The following STK38L variants were observed in gnomAD, a reference collection of about 807,000 sequenced individuals.
STK38L encodes the protein serine/threonine kinase 38 like.
In STK38L, 28 loss-of-function variants were observed where a neutral mutation model predicts 59.7. The ratio of observed to expected loss-of-function variants is 0.47; its 90% CI spans 0.35 to 0.64. The LOEUF is 0.64. STK38L is among the 30% of genes least tolerant of loss of function. The pLI is 0.01. For synonymous variants in STK38L, 162 were observed against 176.8 expected, an observed-to-expected ratio of 0.92 and a Z score of 0.66; for missense variants, 314 against 555.8, an observed-to-expected ratio of 0.56 and a Z score of 4.37.
chr12:27,308,987 GAT>G lies in STK38L; in HGVS notation c.310-115_310-114del, dbSNP rs910425049. 39 of 172,024 alleles carry G rather than the reference GAT, an allele frequency of 2.3e-4. No homozygotes were observed. Among genetic ancestry groups the G allele is most frequent in the Non-Finnish European group, 2.8e-4 (24 of 87,124 alleles). 10.7% of individuals were successfully genotyped at this position (172,024 alleles called of 1,614,324 possible). On this transcript the variant is annotated intron_variant, in intron 4 of 13. Coordinates refer to ENST00000389032, the MANE Select transcript of STK38L (RefSeq NM_015000.4). This position sits in a 1 kb window ranked among gnomAD's most constrained non-coding sequence, Gnocchi z 4.5. The stretch of plus-strand genomic sequence containing the variant: ...AAATATATAGATATAAAAATATATA[GAT>G]ATATATATATAAAATTCCTGAAATA...
intron 1 of STK38L, chr12:27,245,800 G>T (rs1208398201): frequency 6.6e-6 from 1 of 152,016 alleles, no homozygotes; most frequent in East Asian, 1.9e-4. Context: ...TCTCAAAATA[G>T]GTAGGTACAA....
intron 1 of STK38L, among the ~76,000 whole-genome samples, chr12:27,278,495 A>G (rs1446731500): frequency 6.6e-6 from 1 of 152,048 alleles, no homozygotes; most frequent in Non-Finnish European, 1.5e-5. Flanking sequence ...CATGTCTCCT[A>G]CTATTTGGGT....
intron 8 of STK38L, 64 bp from the exon 9 acceptor site, chr12:27,315,225 T>C: frequency 2.5e-6 from 4 of 1,582,974 alleles, no homozygotes; most frequent in Non-Finnish European, 2.6e-6. Context: ...TAGATGTATA[T>C]GTATTTTCTT....
At chr12:27,322,270 A>C (rs1265880250) in intron 13 of STK38L, 36 bp downstream of exon 13, 2 of 1,613,174 alleles carry the variant, frequency 1.2e-6, no homozygotes, top group Non-Finnish European at 1.7e-6. Context: ...CCCTATTAAA[A>C]GTCTTTGAAG....
chr12:27,244,721 C>G (rs1411356453), intron 1 of STK38L, among the ~76,000 whole-genome samples: 1 of 152,176 alleles, frequency 6.6e-6, no homozygotes, highest in Non-Finnish European at 1.5e-5. Flanking sequence ...CCGATGTCAC[C>G]CAGAGCCAGG....
chr12:27,257,305 C>T (rs1422640525), intron 1 of STK38L, among the ~76,000 whole-genome samples: 1 of 152,192 alleles, frequency 6.6e-6, no homozygotes, highest in East Asian at 1.9e-4. Flanking sequence ...TATAAGGATG[C>T]AGCTGTCCAG....
intron 1 of STK38L, among the ~76,000 whole-genome samples, chr12:27,290,544 A>T (rs1943874055): frequency 6.6e-6 from 1 of 152,166 alleles, no homozygotes; most frequent in Non-Finnish European, 1.5e-5. Flanking sequence ...CCACATCTGA[A>T]ACTTAGAGAT....
intron 1 of STK38L, among the ~76,000 whole-genome samples, chr12:27,257,073 G>C (rs186824960): frequency 6.6e-6 from 1 of 152,296 alleles, no homozygotes; most frequent in Admixed American, 6.5e-5. Flanking sequence ...AGAATTACGG[G>C]AATTTACTTA....
At chr12:27,321,982 C>T (rs1041973990) in intron 12 of STK38L, among the ~76,000 whole-genome samples, 161 bp from the exon 13 acceptor site, 2 of 152,228 alleles carry the variant, frequency 1.3e-5, no homozygotes, top group African/African-American at 4.8e-5. Context: ...AAATTATACT[C>T]AACTATTTTG....
chr12:27,263,059 G>A (rs1943234741), intron 1 of STK38L, among the ~76,000 whole-genome samples: 1 of 152,086 alleles, frequency 6.6e-6, no homozygotes, highest in African/African-American at 2.4e-5. Flanking sequence ...CCAAAGTGCT[G>A]GGATTACAGG....
intron 1 of STK38L, among the ~76,000 whole-genome samples, chr12:27,275,027 T>C (rs1943503301): frequency 6.6e-6 from 1 of 152,118 alleles, no homozygotes; most frequent in African/African-American, 2.4e-5. Context: ...GCCCCAACAA[T>C]CTAAATTGTA....
Position 27,269,496 on chromosome 12 carries a change from C to G in STK38L, c.-12+25164C>G, listed in dbSNP as rs192242855. 4.5e-3 allele frequency among the ~76,000 whole-genome samples: 690 copies of G among 152,214 alleles called. 2 individuals carry two copies. The highest frequency in any genetic ancestry group is 6.7e-3 in the Non-Finnish European group (457 of 67,996). ...TTGGTCTATATCTCTGTTTTGGTAC[C>G]AGTACCATGCTGTTTTGGTTACTGT... On this transcript the variant is annotated intron_variant, in intron 1 of 13. Transcript: ENST00000389032.
At chr12:27,297,416 T>A (rs1944051571) in intron 1 of STK38L, among the ~76,000 whole-genome samples, 1 of 152,250 alleles carries the variant, frequency 6.6e-6, no homozygotes, top group Non-Finnish European at 1.5e-5. Context: ...TTTTGAATGC[T>A]TGTTGAATGT....
At chr12:27,249,259 A>G (rs1214679817) in intron 1 of STK38L, among the ~76,000 whole-genome samples, 1 of 152,264 alleles carries the variant, frequency 6.6e-6, no homozygotes. Flanking sequence ...GTCATATTGT[A>G]TAAATTCCAA....
At chr12:27,304,654 C>A (rs961352912) in intron 3 of STK38L, among the ~76,000 whole-genome samples, 1 of 151,974 alleles carries the variant, frequency 6.6e-6, no homozygotes, top group Non-Finnish European at 1.5e-5. Context: ...TTATAAATTT[C>A]TTATAATTAA....
At chr12:27,290,850 G>A (rs2136633727) in intron 1 of STK38L, among the ~76,000 whole-genome samples, 1 of 152,262 alleles carries the variant, frequency 6.6e-6, no homozygotes, top group Admixed American at 6.5e-5. Flanking sequence ...CAGAAACCTG[G>A]ATTTTCATGT....
intron 8 of STK38L, 46 bp from the exon 9 acceptor site, chr12:27,315,243 A>T: frequency 3.7e-6 from 6 of 1,604,130 alleles, no homozygotes; most frequent in Non-Finnish European, 5.1e-6. Context: ...CTTTTTGTGG[A>T]GAGCATTTTT....
At position 27,319,383 on chromosome 12, in the gene STK38L, G is replaced by T. The variant is rs370464943; in HGVS notation, c.1135G>T (p.Gly379Cys). ...AAATAGTGGAGTAGAAGAAATAAAAGGTCATCCCTTTTTTGAAGGTGTCGA... is the reference window on the plus strand; with the variant it reads ...AAATAGTGGAGTAGAAGAAATAAAATGTCATCCCTTTTTTGAAGGTGTCGA... The part of the protein sequence containing the change: ...IGNSGVEEIK[G>C]HPFFEGVDWE... Residue 379 changes from glycine to cysteine, a missense_variant, in exon 12 of 14, where the codon GGT becomes TGT. Coordinates refer to ENST00000389032, the MANE Select transcript of STK38L (RefSeq NM_015000.4). 25 of 1,613,188 alleles carry T rather than the reference G, an allele frequency of 1.5e-5. No individual in the cohort carries two copies. The highest frequency in any genetic ancestry group is 1.1e-4 in the African/African-American group (8 of 74,884).
chr12:27,325,679 G>A lies in STK38L; in HGVS notation c.*3224G>A, dbSNP rs572973057. On this transcript the variant is annotated 3_prime_UTR_variant, in exon 14 of 14. Coordinates refer to ENST00000389032, the MANE Select transcript of STK38L (RefSeq NM_015000.4). The stretch of plus-strand genomic sequence containing the variant: ...TCTGAAAAATCTTAATGAAACAAAC[G>A]CTTAGAACAAATATAAATATGAGAC... 6.6e-6 allele frequency: 1 copy of A among 152,120 alleles called. No homozygotes were observed. The highest frequency in any genetic ancestry group is 2.1e-4 in the South Asian group (1 of 4,818). 9.4% of individuals were successfully genotyped at this position (152,120 alleles called of 1,614,324 possible).
Sources: gnomAD v4.1 joint callset for allele counts (sites outside exome capture counted in the v4.1 genomes callset) on GRCh38, gnomAD v4.1.1 for gene constraint, Gnocchi (gnomAD v3.1) non-coding constraint, MANE v1.5 for transcripts, NCBI Gene and HGNC (gene_info 2026-07-23, HGNC 2026-07-21) for gene names.